The following POLA1 variants were observed in gnomAD, a reference collection of about 807,000 sequenced individuals.
POLA1 encodes DNA polymerase alpha 1, catalytic subunit.
Under a neutral mutation model 124.0 loss-of-function variants are expected in POLA1, and 15 were observed. The observed-to-expected ratio is 0.12, with a 90% confidence interval of 0.08 to 0.19. The LOEUF is 0.19. Among genes scored for constraint, POLA1 ranks in the 10% least tolerant of loss-of-function variants. The pLI is 1.00. For synonymous variants in POLA1, 408 were observed against 389.4 expected, an observed-to-expected ratio of 1.05 and a Z score of -0.56; for missense variants, 886 against 1,103.4, an observed-to-expected ratio of 0.80 and a Z score of 2.79.
chrX:24,758,666 GTTTTTTGTTTTTTGT>G (rs754461907), intron 26 of POLA1, among the ~76,000 whole-genome samples: 68 of 111,628 alleles, frequency 6.1e-4, no homozygotes, highest in Middle Eastern at 4.6e-3. Flanking sequence ...ATTTGCTGAA[GTTTTTTGTTTTTTGT>G]TTTTTTGTTT....
At chrX:24,736,163 A>G (rs1178244716) in intron 18 of POLA1, among the ~76,000 whole-genome samples, 3 of 111,513 alleles carry the variant, frequency 2.7e-5, no homozygotes, top group Non-Finnish European at 5.6e-5. Flanking sequence ...ATAAATGCCT[A>G]TATTTTGGAT....
At chrX:24,874,022 T>C (rs2046901559) in intron 34 of POLA1, among the ~76,000 whole-genome samples, 1 of 111,787 alleles carries the variant, frequency 8.9e-6, no homozygotes, top group Non-Finnish European at 1.9e-5. Context: ...GTAGCATAGA[T>C]GTAGTATGTA....
At chrX:24,984,638 G>C (rs1250138609) in intron 36 of POLA1, among the ~76,000 whole-genome samples, 1 of 107,410 alleles carries the variant, frequency 9.3e-6, no homozygotes, top group Non-Finnish European at 1.9e-5. Flanking sequence ...TAAGAATGCT[G>C]AGGAGACCTT....
intron 32 of POLA1, among the ~76,000 whole-genome samples, chrX:24,833,832 T>G (rs906898884): frequency 8.9e-6 from 1 of 112,596 alleles, no homozygotes; most frequent in Non-Finnish European, 1.9e-5. Flanking sequence ...GGCTCACGCC[T>G]GTAATCCCAA....
intron 36 of POLA1, among the ~76,000 whole-genome samples, chrX:24,972,401 T>C (rs1472174172): frequency 8.9e-6 from 1 of 112,272 alleles, no homozygotes; most frequent in Admixed American, 9.5e-5. Context: ...TTTATCCTGC[T>C]CTCTCACCTC....
chrX:24,953,623 A>G (rs1230808530), intron 36 of POLA1, among the ~76,000 whole-genome samples: 1 of 111,727 alleles, frequency 9.0e-6, no homozygotes, highest in Admixed American at 9.5e-5. Context: ...AGGACAGGCA[A>G]CGAAGGGAAA....
chrX:24,744,081 A>T (rs1017460307), intron 23 of POLA1, among the ~76,000 whole-genome samples: 1 of 111,648 alleles, frequency 9.0e-6, no homozygotes, highest in African/African-American at 3.3e-5. Flanking sequence ...ATATAAAAAA[A>T]CATTTCAACC....
At chrX:24,827,454 C>G (rs982929491) in intron 32 of POLA1, among the ~76,000 whole-genome samples, 13 of 112,315 alleles carry the variant, frequency 1.2e-4, no homozygotes, top group Non-Finnish European at 2.3e-4. Context: ...ATCTCACAAA[C>G]TCTTAACTTT....
At chrX:24,812,451 T>TC (rs2045919364) in intron 28 of POLA1, among the ~76,000 whole-genome samples, 2 of 111,208 alleles carry the variant, frequency 1.8e-5, no homozygotes, top group Admixed American at 1.9e-4. Context: ...TCTCTCTCTC[T>TC]TTTTTTTAAT....
chrX:24,834,111 GAA>G (rs34596461), intron 32 of POLA1, among the ~76,000 whole-genome samples: 987 of 71,411 alleles, frequency 0.014, 9 homozygotes, highest in Middle Eastern at 0.023. Context: ...GTCTCAGAAA[GAA>G]AAAAAAAAAA....
chrX:24,764,748 G>T (rs966003655), intron 26 of POLA1, among the ~76,000 whole-genome samples: 4 of 111,234 alleles, frequency 3.6e-5, no homozygotes, highest in Non-Finnish European at 7.5e-5. Context: ...CAGTCGTAAG[G>T]TGCAGTTATT....
chrX:24,832,545 G>A (rs1311109697), intron 32 of POLA1, among the ~76,000 whole-genome samples: 1 of 112,190 alleles, frequency 8.9e-6, no homozygotes, highest in Non-Finnish European at 1.9e-5. Flanking sequence ...GTAACACTTA[G>A]AGGTTTTAAA....
intron 26 of POLA1, among the ~76,000 whole-genome samples, chrX:24,783,047 T>A (rs1451021189): frequency 9.2e-6 from 1 of 109,157 alleles, no homozygotes; most frequent in Non-Finnish European, 1.9e-5. Context: ...ACATTGGAAT[T>A]GTGAGCCATT....
chrX:24,920,560 TA>T (rs2047602242), intron 35 of POLA1, among the ~76,000 whole-genome samples: 1 of 111,722 alleles, frequency 9.0e-6, no homozygotes, highest in Admixed American at 9.5e-5. Flanking sequence ...AATGCATCAA[TA>T]AAAAGTGGCA....
chrX:24,703,199 CACTTTG>C, intron 2 of POLA1, 46 bp from the exon 3 acceptor site: 1 of 896,891 alleles, frequency 1.1e-6, no homozygotes, highest in Admixed American at 2.7e-5. Flanking sequence ...AATTATTTAA[CACTTTG>C]ACTCCTCTAT....
chrX:24,764,511 A>C (rs1280104350), intron 26 of POLA1, among the ~76,000 whole-genome samples: 1 of 111,832 alleles, frequency 8.9e-6, no homozygotes, highest in Non-Finnish European at 1.9e-5. Flanking sequence ...CTGCAACTTA[A>C]TGAGCTCAGC....
At chrX:24,966,299 A>G (rs542974813) in intron 36 of POLA1, among the ~76,000 whole-genome samples, 2 of 111,572 alleles carry the variant, frequency 1.8e-5, no homozygotes, top group African/African-American at 6.5e-5. Context: ...TCAACAGTCA[A>G]CTGCTGTAAA....
intron 36 of POLA1, among the ~76,000 whole-genome samples, chrX:24,981,710 A>G (rs1199632001): frequency 1.8e-5 from 2 of 112,461 alleles, no homozygotes; most frequent in East Asian, 5.5e-4. Context: ...GAAAAATTGT[A>G]TATGTCCATG....
chrX:24,793,424 A>G (rs1465735616), intron 26 of POLA1, among the ~76,000 whole-genome samples: 3 of 110,424 alleles, frequency 2.7e-5, no homozygotes, highest in Non-Finnish European at 3.8e-5. Context: ...TATTTGGTCT[A>G]TCAGTCAAGA....
Sources: allele counts gnomAD v4.1 joint callset (sites outside exome capture counted in the v4.1 genomes callset), GRCh38; gene constraint gnomAD v4.1.1; transcripts MANE v1.5; gene names NCBI Gene and HGNC (gene_info 2026-07-23, HGNC 2026-07-21).